The following FNDC3A variants were observed in gnomAD, a reference collection of about 807,000 sequenced individuals.
FNDC3A encodes the protein fibronectin type-III domain-containing protein 3A.
FNDC3A carries 32 observed loss-of-function variants against 148.9 expected under a neutral mutation model. The observed-to-expected ratio is 0.21, with a 90% CI of 0.16 to 0.29. The LOEUF is 0.29. Ranked by LOEUF, FNDC3A falls within the 10% of genes least tolerant of loss-of-function variation. FNDC3A has a pLI of 1.00. For missense variants in FNDC3A, 1,191 were observed against 1,452.8 expected (o/e 0.82, Z 2.93); for synonymous variants, 472 against 473.6 (o/e 1.00, Z 0.04).
At chr13:49,117,916 T>C (rs907701331) in intron 4 of FNDC3A, among the ~76,000 whole-genome samples, 1 of 152,204 alleles carries the variant, frequency 6.6e-6, no homozygotes, top group Non-Finnish European at 1.5e-5. Flanking sequence ...GGAACTGCCT[T>C]TTAATTATTT....
At chr13:48,991,715 G>A (rs971294465) in intron 1 of FNDC3A, among the ~76,000 whole-genome samples, 1 of 151,004 alleles carries the variant, frequency 6.6e-6, no homozygotes, top group Non-Finnish European at 1.5e-5. Context: ...AAAAAAAAAA[G>A]AGAGAGAATG....
intron 5 of FNDC3A, among the ~76,000 whole-genome samples, chr13:49,134,028 A>G (rs1027181985): frequency 6.6e-6 from 1 of 152,206 alleles, no homozygotes; most frequent in Non-Finnish European, 1.5e-5. Context: ...TTTACACTTC[A>G]GTGGTTTTTA....
At chr13:49,200,943 AT>A (rs201228123) in intron 23 of FNDC3A, among the ~76,000 whole-genome samples, 1 of 150,572 alleles carries the variant, frequency 6.6e-6, no homozygotes, top group Non-Finnish European at 1.5e-5. Context: ...TATTACCACT[AT>A]TTTTTTTTCC....
intron 19 of FNDC3A, among the ~76,000 whole-genome samples, chr13:49,195,110 T>G (rs1407609173): frequency 6.6e-6 from 1 of 152,192 alleles, no homozygotes. Flanking sequence ...TTGTTATAAT[T>G]GATTAGTATA....
intron 14 of FNDC3A, among the ~76,000 whole-genome samples, chr13:49,185,038 T>C (rs889881942): frequency 6.6e-6 from 1 of 151,932 alleles, no homozygotes; most frequent in African/African-American, 2.4e-5. Context: ...CACTTTTGAC[T>C]TGAGCAACTA....
intron 2 of FNDC3A, among the ~76,000 whole-genome samples, chr13:49,074,783 TTC>T (rs1445836353): frequency 1.3e-5 from 2 of 152,294 alleles, no homozygotes; most frequent in East Asian, 1.9e-4. Flanking sequence ...TTCCTGTTTT[TTC>T]TCTGTTTTTC....
At chr13:49,073,280 A>G (rs1467282792) in intron 2 of FNDC3A, among the ~76,000 whole-genome samples, 1 of 152,228 alleles carries the variant, frequency 6.6e-6, no homozygotes, top group East Asian at 1.9e-4. Flanking sequence ...GGGTTCATAC[A>G]AATCATTAAA....
Position 49,159,136 on chromosome 13 carries a change from G to T in FNDC3A, c.978-8108G>T, listed in dbSNP as rs193104318. Among the ~76,000 whole-genome samples, 397 of 152,276 alleles carry T rather than the reference G, an allele frequency of 2.6e-3. 10 individuals carry two copies. The East Asian group carries it at 0.042, about 16-fold the overall frequency. On this transcript the variant is annotated intron_variant, in intron 8 of 25. Coordinates refer to ENST00000492622, the MANE Select transcript of FNDC3A (RefSeq NM_001079673.2). ...TTGGTTCCATATGAACTTTAAAGTA[G>T]TTTTTTCCAATTCTGTGAAGAAAGT...
intron 3 of FNDC3A, among the ~76,000 whole-genome samples, chr13:49,092,643 T>C (rs759394512): frequency 6.6e-6 from 1 of 152,008 alleles, no homozygotes; most frequent in Non-Finnish European, 1.5e-5. Flanking sequence ...TTCCTTCTTA[T>C]AAAAATCACA....
intron 8 of FNDC3A, among the ~76,000 whole-genome samples, chr13:49,148,135 A>C (rs898927156): frequency 1.3e-5 from 2 of 152,078 alleles, no homozygotes; most frequent in Non-Finnish European, 2.9e-5. Context: ...TGTTAGATGA[A>C]TAGTTTGCAA....
At chr13:49,068,037 T>C (rs1877382373) in intron 2 of FNDC3A, among the ~76,000 whole-genome samples, 1 of 152,116 alleles carries the variant, frequency 6.6e-6, no homozygotes, top group Non-Finnish European at 1.5e-5. Context: ...CTTTCAAAAT[T>C]TTAAGTATGT....
intron 7 of FNDC3A, among the ~76,000 whole-genome samples, chr13:49,143,998 A>ACTG (rs1482018252): frequency 1.7e-4 from 26 of 149,658 alleles, no homozygotes; most frequent in Admixed American, 1.5e-3. Flanking sequence ...TACTACTACT[A>ACTG]CTACTACTAC....
chr13:49,042,978 C>G (rs1224476035), intron 2 of FNDC3A, among the ~76,000 whole-genome samples: 3 of 151,884 alleles, frequency 2.0e-5, no homozygotes, highest in Non-Finnish European at 4.4e-5. Flanking sequence ...TTTTGAGAGC[C>G]AGGGTCTCAT....
At chr13:49,196,352 T>C (rs1315399088) in intron 19 of FNDC3A, among the ~76,000 whole-genome samples, 1 of 152,150 alleles carries the variant, frequency 6.6e-6, no homozygotes, top group African/African-American at 2.4e-5. Flanking sequence ...TTCCGGGTAA[T>C]GTATGTTAAA....
intron 19 of FNDC3A, among the ~76,000 whole-genome samples, chr13:49,192,712 T>G (rs1047246192): frequency 6.6e-6 from 1 of 152,206 alleles, no homozygotes; most frequent in African/African-American, 2.4e-5. Context: ...GATCGCATCT[T>G]TAATACTTAC....
intron 3 of FNDC3A, chr13:49,095,448 C>A (rs1034059282): frequency 3.3e-5 from 5 of 151,928 alleles, no homozygotes; most frequent in Non-Finnish European, 5.9e-5. Context: ...TTATGGATTT[C>A]TTTGTTTCCT....
At chr13:49,193,958 C>T (rs980929276) in intron 19 of FNDC3A, among the ~76,000 whole-genome samples, 1 of 151,604 alleles carries the variant, frequency 6.6e-6, no homozygotes, top group Non-Finnish European at 1.5e-5. Context: ...TATTAAATGA[C>T]AGATTTATAT....
intron 1 of FNDC3A, among the ~76,000 whole-genome samples, chr13:48,992,361 A>G (rs1951938607): frequency 6.6e-6 from 1 of 152,236 alleles, no homozygotes; most frequent in Non-Finnish European, 1.5e-5. Flanking sequence ...AACAAGCCAC[A>G]GACTGGGAGA....
At chr13:49,040,813 G>A (rs996887239) in intron 2 of FNDC3A, among the ~76,000 whole-genome samples, 1 of 152,146 alleles carries the variant, frequency 6.6e-6, no homozygotes, top group African/African-American at 2.4e-5. Context: ...ATTTACCAGG[G>A]TTCCTCACCT....
Sources: allele counts gnomAD v4.1 joint callset (sites outside exome capture counted in the v4.1 genomes callset), GRCh38; gene constraint gnomAD v4.1.1; transcripts MANE v1.5; gene names NCBI Gene and HGNC (gene_info 2026-07-23, HGNC 2026-07-21).